KIAA1328: variants seen among roughly 807,000 people sequenced by gnomAD.
KIAA1328 encodes the protein protein hinderin.
In KIAA1328, 52 loss-of-function variants were observed where a neutral mutation model predicts 68.1. The ratio of observed to expected loss-of-function variants is 0.76; its 90% CI spans 0.61 to 0.96. KIAA1328 has a LOEUF of 0.96. KIAA1328 is among the 40% of genes least tolerant of loss of function. The pLI is 0.00. For synonymous variants in KIAA1328, 232 were observed against 239.4 expected (o/e 0.97, Z 0.28); for missense variants, 641 against 677.6 (o/e 0.95, Z 0.60).
At chr18:36,830,266 G>C (rs116161724) in intron 1 of KIAA1328, among the ~76,000 whole-genome samples, 1 of 152,222 alleles carries the variant, frequency 6.6e-6, no homozygotes, top group Non-Finnish European at 1.5e-5. Flanking sequence ...CTCGTGTTTA[G>C]TGTTTGCACT....
chr18:36,889,072 C>T (rs1828556744), intron 5 of KIAA1328, among the ~76,000 whole-genome samples: 1 of 152,126 alleles, frequency 6.6e-6, no homozygotes, highest in African/African-American at 2.4e-5. Context: ...GTGTTTGCAT[C>T]AGGATCAGCC....
chr18:36,856,551 T>G (rs1358917071), intron 4 of KIAA1328, among the ~76,000 whole-genome samples: 1 of 145,820 alleles, frequency 6.9e-6, no homozygotes, highest in East Asian at 1.9e-4. Context: ...TTATTGATAT[T>G]CTCTATTTGT....
chr18:37,193,638 T>C, intron 9 of KIAA1328: 2 of 702,682 alleles, frequency 2.8e-6, no homozygotes, highest in Non-Finnish European at 5.2e-6. Flanking sequence ...CATTTCTTCA[T>C]ATTGTTCTCC....
chr18:37,066,253 A>G (rs1410294872), intron 6 of KIAA1328, among the ~76,000 whole-genome samples: 3 of 152,356 alleles, frequency 2.0e-5, no homozygotes, highest in Admixed American at 6.5e-5. Context: ...CCCGAGTTCT[A>G]TCAGACTAAT....
chr18:37,145,873 G>T (rs982014224), intron 7 of KIAA1328, among the ~76,000 whole-genome samples: 49 of 152,028 alleles, frequency 3.2e-4, no homozygotes, highest in Non-Finnish European at 5.7e-4. Context: ...TGAACAACGT[G>T]TGATTTTGTT....
intron 6 of KIAA1328, among the ~76,000 whole-genome samples, chr18:37,037,356 A>G (rs1036932418): frequency 3.3e-5 from 5 of 152,216 alleles, no homozygotes; most frequent in African/African-American, 1.2e-4. Context: ...ATAAGGGTTC[A>G]TTTAGTTACT....
At chr18:37,096,914 TG>T in intron 7 of KIAA1328, among the ~76,000 whole-genome samples, 1 of 152,360 alleles carries the variant, frequency 6.6e-6, no homozygotes, top group African/African-American at 2.4e-5. Flanking sequence ...CACTTTTTGT[TG>T]GGGCCGTTTG....
rs535826292 is a variant in KIAA1328, at chr18:36,890,377, CA to C, written c.448+4713del. 4.6e-3 allele frequency among the ~76,000 whole-genome samples: 692 copies of C among 151,446 alleles called. 2 individuals are homozygous for C. The highest frequency in any genetic ancestry group is 0.012 in the Admixed American group (181 of 15,212). On this transcript the variant is annotated intron_variant, in intron 5 of 9. Transcript: ENST00000280020. ...CAGAAAAAGAAGTTTAAAATGTCAA[CA>C]AAAAAAATATGTCTGCGCGTCATGG... is the stretch of plus-strand genomic sequence containing the variant.
In KIAA1328 at chr18:37,164,806, G is replaced by A. The variant is rs190522778; in HGVS notation, c.1414+4425G>A. On this transcript the variant is annotated intron_variant, in intron 8 of 9. Coordinates refer to ENST00000280020, the MANE Select transcript of KIAA1328 (RefSeq NM_020776.3). The stretch of plus-strand genomic sequence containing the variant: ...GGAGTCAAGAAAATATGGACGGGGA[G>A]GGTTCTATTGTCTTGTATTCTAATT... 3.9e-4 allele frequency among the ~76,000 whole-genome samples: 59 copies of A among 152,134 alleles called. 1 individual carries two copies. Among genetic ancestry groups the A allele is most frequent in the African/African-American group, 1.1e-3 (45 of 41,514 alleles).
intron 7 of KIAA1328, among the ~76,000 whole-genome samples, chr18:37,139,450 A>G (rs911826305): frequency 1.3e-5 from 2 of 152,178 alleles, no homozygotes; most frequent in Admixed American, 1.3e-4. Context: ...TGGTAACTAG[A>G]AAGTAGTACA....
chr18:37,222,339 T>A lies in KIAA1328; in HGVS notation c.*112T>A. 1.3e-6 allele frequency: 2 copies of A among 1,490,336 alleles called. No individual in the cohort carries two copies. Among genetic ancestry groups the A allele is most frequent in the Non-Finnish European group, 1.8e-6 (2 of 1,123,908 alleles). 92.3% of individuals were successfully genotyped at this position (1,490,336 alleles called of 1,614,324 possible). ...GTCTCTCCTTTCACGGGGACTTGTC[T>A]CACTAGCATCCTGTTACGTATTGAA... On this transcript the variant is annotated 3_prime_UTR_variant, in exon 10 of 10. Transcript: ENST00000280020.
At chr18:36,869,353 C>T (rs561070505) in intron 4 of KIAA1328, among the ~76,000 whole-genome samples, 13 of 152,186 alleles carry the variant, frequency 8.5e-5, no homozygotes, top group Admixed American at 2.6e-4. Context: ...AAAAGAAGTT[C>T]GTTTTCTATA....
intron 7 of KIAA1328, among the ~76,000 whole-genome samples, chr18:37,158,441 G>T (rs1503360): frequency 0.33 from 50,828 of 151,916 alleles, 8,945 homozygotes; most frequent in East Asian, 0.55. Flanking sequence ...ATCTGCTCTT[G>T]TTTGTAGCCC....
intron 9 of KIAA1328, among the ~76,000 whole-genome samples, chr18:37,191,658 T>C (rs1473563451): frequency 6.6e-6 from 1 of 152,240 alleles, no homozygotes; most frequent in Non-Finnish European, 1.5e-5. Context: ...GTTGATCTTA[T>C]CTATCCCAAA....
chr18:36,897,824 G>A (rs2048913418), intron 5 of KIAA1328, among the ~76,000 whole-genome samples: 1 of 151,998 alleles, frequency 6.6e-6, no homozygotes, highest in African/African-American at 2.4e-5. Context: ...TTTGTATAAC[G>A]TTATATAGTA....
Position 36,999,072 on chromosome 18 carries a change from G to T in KIAA1328, c.576+39637G>T, listed in dbSNP as rs909292665. On this transcript the variant is annotated intron_variant, in intron 6 of 9. Coordinates refer to ENST00000280020, the MANE Select transcript of KIAA1328 (RefSeq NM_020776.3). ...ATATGAATGAATTATGAAAGCAAAA[G>T]ATATTTTTAAAAGGAACCAAACAGA... Among the ~76,000 whole-genome samples the T allele has an allele frequency of 1.1e-4, 16 of 152,214 alleles. No homozygotes were observed. The South Asian group carries it at 2.9e-3, about 28-fold the overall frequency.
intron 8 of KIAA1328, among the ~76,000 whole-genome samples, chr18:37,165,749 G>A (rs182691334): frequency 3.8e-4 from 57 of 151,646 alleles, no homozygotes; most frequent in Admixed American, 3.1e-3. Flanking sequence ...TCACCACCAC[G>A]CCCGGCTAAT....
rs144891789 is a variant in KIAA1328 at position 36,993,746 on chromosome 18, T to TAAATA, written c.576+34311_576+34312insAAATA. 3.0e-3 allele frequency among the ~76,000 whole-genome samples: 456 copies of TAAATA among 152,240 alleles called. 18 individuals carry two copies. The East Asian group carries it at 0.082, about 27-fold the overall frequency. On this transcript the variant is annotated intron_variant, in intron 6 of 9. Transcript: ENST00000280020. ...TGGATCTTGCTTAATAAATATGTAATTGTAACCGAAGAAAGAAAAGTCTAA... is the reference window on the plus strand; with the variant it reads ...TGGATCTTGCTTAATAAATATGTAATAAATATGTAACCGAAGAAAGAAAAGTCTAA...
intron 2 of KIAA1328, 149 bp from the exon 3 acceptor site, chr18:36,835,085 T>C (rs993208841): frequency 3.8e-6 from 2 of 519,542 alleles, no homozygotes; most frequent in African/African-American, 3.9e-5. Context: ...ATGATTCATA[T>C]ATTAAGAGCT....
Sources: allele counts gnomAD v4.1 joint callset (sites outside exome capture counted in the v4.1 genomes callset), GRCh38; gene constraint gnomAD v4.1.1; transcripts MANE v1.5; gene names NCBI Gene and HGNC (gene_info 2026-07-23, HGNC 2026-07-21).